The following ANKS1B variants were observed in gnomAD, a reference collection of about 807,000 sequenced individuals.
ANKS1B encodes ankyrin repeat and sterile alpha motif domain containing 1B.
Under a neutral mutation model 148.3 loss-of-function variants are expected in ANKS1B, and 36 were observed. The ratio of observed to expected loss-of-function variants is 0.24; its 90% CI spans 0.19 to 0.32. The LOEUF is 0.32. ANKS1B is among the 10% of genes least tolerant of loss of function. The pLI, the probability that ANKS1B is intolerant of heterozygous loss-of-function variation, is 1.00. For missense variants in ANKS1B, 1,157 were observed against 1,542.6 expected, an observed-to-expected ratio of 0.75 and a Z score of 4.19; for synonymous variants, 542 against 560.8, an observed-to-expected ratio of 0.97 and a Z score of 0.47.
At chr12:99,663,380 T>C (rs1205118784) in intron 8 of ANKS1B, among the ~76,000 whole-genome samples, 1 of 152,120 alleles carries the variant, frequency 6.6e-6, no homozygotes, top group Non-Finnish European at 1.5e-5. Flanking sequence ...GTTAAATACG[T>C]TTCTATAAGC....
chr12:99,775,575 C>G lies in ANKS1B; in HGVS notation c.934G>C (p.Val312Leu), dbSNP rs752698157. ...TTGGTCTTTTGGGAAGGAGACTCAA[C>G]AGGAGATGAAATGTGTGTTTCTTGT... is the stretch of plus-strand genomic sequence containing the variant. Reference protein sequence around the residue: ...ATQETHISSPVESPSQKTKSE... With the variant: ...ATQETHISSPLESPSQKTKSE... Residue 312 changes from valine (V) to leucine (L), a missense_variant, in exon 7 of 27, where the codon GTT becomes CTT. Physicochemically the swap from Val to Leu is conservative, Grantham distance 32 (BLOSUM62 1). Around this residue, in one of 6 missense-constraint regions of ANKS1B, gnomAD observed 661 missense variants for 642.1 expected, o/e 1.03. Coordinates refer to ENST00000683438, the MANE Select transcript of ANKS1B (RefSeq NM_001352186.2). 6.2e-7 allele frequency: 1 copy of G among 1,613,354 alleles called. No individual in the cohort carries two copies. The highest frequency in any genetic ancestry group is 2.2e-5 in the East Asian group (1 of 44,836).
chr12:99,063,398 C>T (rs895536875), intron 16 of ANKS1B, among the ~76,000 whole-genome samples: 2 of 152,188 alleles, frequency 1.3e-5, no homozygotes, highest in East Asian at 1.9e-4. Flanking sequence ...AGTCCAAATG[C>T]AGGTCTATCA....
chr12:99,350,017 G>T (rs971069853), intron 12 of ANKS1B, among the ~76,000 whole-genome samples: 1 of 151,984 alleles, frequency 6.6e-6, no homozygotes, highest in Non-Finnish European at 1.5e-5. Flanking sequence ...GTGTCCCCAC[G>T]GAAATCTCTG....
intron 4 of ANKS1B, among the ~76,000 whole-genome samples, chr12:99,798,534 C>A (rs1472834837): frequency 6.6e-6 from 1 of 151,744 alleles, no homozygotes; most frequent in Non-Finnish European, 1.5e-5. Flanking sequence ...TTATCTAGAC[C>A]ATATCTAGAG....
chr12:98,906,362 G>A (rs770080222), intron 17 of ANKS1B, among the ~76,000 whole-genome samples: 1 of 152,126 alleles, frequency 6.6e-6, no homozygotes, highest in Non-Finnish European at 1.5e-5. Flanking sequence ...GAAGTAACTC[G>A]AGGAACCAGG....
At position 99,967,283 on chromosome 12, in the gene ANKS1B, C is replaced by T. The variant is rs913370449; in HGVS notation, c.134+16821G>A. ...ATTATCTTTAACCATTCCAACTCTA[C>T]AAGATAGATGTTATCACCTCCACTT... On this transcript the variant is annotated intron_variant, in intron 1 of 26. Coordinates refer to ENST00000683438, the MANE Select transcript of ANKS1B (RefSeq NM_001352186.2). Among the ~76,000 whole-genome samples the T allele has an allele frequency of 3.9e-5, 6 of 152,280 alleles. No homozygotes were observed. In the East Asian group the frequency reaches 1.2e-3, roughly 29 times the overall value.
chr12:99,358,840 G>C (rs1449706546), intron 12 of ANKS1B, among the ~76,000 whole-genome samples: 2 of 152,086 alleles, frequency 1.3e-5, no homozygotes, highest in Non-Finnish European at 2.9e-5. Context: ...ATCCCTTATG[G>C]AGCTAAAAGA....
chr12:99,042,830 T>C (rs920896857), intron 17 of ANKS1B, among the ~76,000 whole-genome samples: 1 of 152,240 alleles, frequency 6.6e-6, no homozygotes, highest in African/African-American at 2.4e-5. Context: ...AAAGTGCTTT[T>C]AGAAAAGCAG....
intron 8 of ANKS1B, among the ~76,000 whole-genome samples, chr12:99,716,047 C>A (rs1189234537): frequency 6.6e-6 from 1 of 152,096 alleles, no homozygotes; most frequent in East Asian, 1.9e-4. Context: ...TCACCCTTAG[C>A]AGCAAGTCCC....
At chr12:99,706,082 G>T (rs1055595356) in intron 8 of ANKS1B, among the ~76,000 whole-genome samples, 3 of 152,076 alleles carry the variant, frequency 2.0e-5, no homozygotes, top group African/African-American at 7.2e-5. Flanking sequence ...CCCAAATTTT[G>T]CAATTAATGT....
chr12:99,097,490 A>G (rs2056585365), intron 15 of ANKS1B: 1 of 152,190 alleles, frequency 6.6e-6, no homozygotes, highest in African/African-American at 2.4e-5. Context: ...TATATCCTTC[A>G]ATTTATGTGT....
At chr12:99,135,104 A>G (rs1311314233) in intron 15 of ANKS1B, among the ~76,000 whole-genome samples, 2 of 152,204 alleles carry the variant, frequency 1.3e-5, no homozygotes, top group Non-Finnish European at 2.9e-5. Context: ...AATACATCAG[A>G]GGAAAAAGAA....
chr12:99,583,974 A>AT (rs2097596572), intron 9 of ANKS1B, among the ~76,000 whole-genome samples: 1 of 152,210 alleles, frequency 6.6e-6, no homozygotes, highest in Admixed American at 6.5e-5. Context: ...CTTGAGGCCC[A>AT]TTTTTCTGAA....
At chr12:98,795,246 C>T (rs2098937583) in intron 22 of ANKS1B, among the ~76,000 whole-genome samples, 1 of 152,186 alleles carries the variant, frequency 6.6e-6, no homozygotes, top group Non-Finnish European at 1.5e-5. Context: ...AAGGAACTAA[C>T]AATTTGTATG....
intron 1 of ANKS1B, among the ~76,000 whole-genome samples, chr12:99,850,764 T>C (rs957837088): frequency 6.6e-6 from 1 of 152,232 alleles, no homozygotes. Context: ...AGTGATAGTA[T>C]TTTGCTTTTG....
chr12:98,880,537 C>T (rs56121396), intron 17 of ANKS1B, among the ~76,000 whole-genome samples: 3,294 of 152,080 alleles, frequency 0.022, 56 homozygotes, highest in Non-Finnish European at 0.031. Flanking sequence ...GAGGCCGAGG[C>T]GGGTGGATCA....
At chr12:99,046,344 C>G (rs2099962317) in intron 17 of ANKS1B, among the ~76,000 whole-genome samples, 1 of 151,460 alleles carries the variant, frequency 6.6e-6, no homozygotes, top group African/African-American at 2.4e-5. Flanking sequence ...ACCAGACATG[C>G]AAAAAAACAG....
At chr12:99,256,636 T>A (rs188029202) in intron 12 of ANKS1B, among the ~76,000 whole-genome samples, 177 of 152,296 alleles carry the variant, frequency 1.2e-3, no homozygotes, top group Admixed American at 5.2e-3. Flanking sequence ...AATTCATAAT[T>A]TTAGGTTGAT....
chr12:99,023,168 G>T, intron 17 of ANKS1B, among the ~76,000 whole-genome samples: 1 of 151,762 alleles, frequency 6.6e-6, no homozygotes, highest in Non-Finnish European at 1.5e-5. Flanking sequence ...CACTGTTATT[G>T]GTTATTTTTT....
Sources: gnomAD v4.1 joint callset for allele counts (sites outside exome capture counted in the v4.1 genomes callset) on GRCh38, gnomAD v4.1.1 for gene constraint, gnomAD v4.1.1 regional missense constraint, MANE v1.5 for transcripts, NCBI Gene and HGNC (gene_info 2026-07-23, HGNC 2026-07-21) for gene names.